The following RMST variants were observed in gnomAD, a reference collection of about 807,000 sequenced individuals.
RMST encodes the protein long intergenic non-protein coding RNA 54.
intron 11 of RMST, among the ~76,000 whole-genome samples, chr12:97,547,350 A>G (rs902506459): frequency 1.4e-4 from 21 of 152,104 alleles, no homozygotes; most frequent in Non-Finnish European, 2.8e-4. Context: ...GAACATGGGA[A>G]TGCAGATATC....
At chr12:97,497,537 G>A (rs988962344) in intron 10 of RMST, among the ~76,000 whole-genome samples, 13 of 152,120 alleles carry the variant, frequency 8.5e-5, no homozygotes, top group African/African-American at 2.7e-4. Flanking sequence ...GCAACTCCAC[G>A]GCACTCTAGT....
At chr12:97,536,746 A>G (rs1001960523) in intron 11 of RMST, among the ~76,000 whole-genome samples, 2 of 151,618 alleles carry the variant, frequency 1.3e-5, no homozygotes, top group African/African-American at 4.8e-5. Context: ...GTGAGTGTGT[A>G]TATTATACAC....
chr12:97,548,093 T>C (rs1883068355), intron 11 of RMST, among the ~76,000 whole-genome samples: 1 of 152,154 alleles, frequency 6.6e-6, no homozygotes, highest in African/African-American at 2.4e-5. Flanking sequence ...AATAAGAGCC[T>C]ACTTTCATTC....
intron 11 of RMST, among the ~76,000 whole-genome samples, chr12:97,556,202 T>A (rs1332824536): frequency 6.6e-6 from 1 of 152,228 alleles, no homozygotes; most frequent in African/African-American, 2.4e-5. Flanking sequence ...GTAATCTTCA[T>A]TCTGTAAAAC....
chr12:97,490,716 T>C (rs960432567), intron 5 of RMST, among the ~76,000 whole-genome samples: 1 of 152,222 alleles, frequency 6.6e-6, no homozygotes, highest in Admixed American at 6.5e-5. Flanking sequence ...TTATCTTGGA[T>C]GAACTTTTCT....
intron 11 of RMST, among the ~76,000 whole-genome samples, chr12:97,549,566 A>G (rs1441222385): frequency 1.3e-5 from 2 of 152,218 alleles, no homozygotes; most frequent in African/African-American, 2.4e-5. Flanking sequence ...CAAGGGGTAG[A>G]CCCAATGTGG....
At chr12:97,541,599 C>T (rs980681644) in intron 11 of RMST, among the ~76,000 whole-genome samples, 16 of 150,954 alleles carry the variant, frequency 1.1e-4, no homozygotes, top group Non-Finnish European at 1.5e-4. Flanking sequence ...ATGGAGTGGG[C>T]GAGTTAGAAA....
chr12:97,506,504 T>C (rs1217996136), intron 10 of RMST, among the ~76,000 whole-genome samples: 1 of 152,168 alleles, frequency 6.6e-6, no homozygotes, highest in African/African-American at 2.4e-5. Flanking sequence ...ATCTGTCTTT[T>C]AGGACATCGT....
chr12:97,536,387 A>G, intron 11 of RMST, among the ~76,000 whole-genome samples: 1 of 151,532 alleles, frequency 6.6e-6, no homozygotes, highest in East Asian at 1.9e-4. Context: ...CTTCTGCAAA[A>G]TTAGACCAGG....
intron 5 of RMST, among the ~76,000 whole-genome samples, chr12:97,472,906 A>C (rs1874100107): frequency 6.6e-6 from 1 of 152,040 alleles, no homozygotes; most frequent in South Asian, 2.1e-4. Flanking sequence ...TTTTTTTCTT[A>C]ATTATCTCAT....
chr12:97,562,396 G>A (rs1884182166), intron 13 of RMST, among the ~76,000 whole-genome samples: 1 of 152,022 alleles, frequency 6.6e-6, no homozygotes, highest in Non-Finnish European at 1.5e-5. Flanking sequence ...TTTTCAAAGG[G>A]AAAATGGTAG....
At chr12:97,507,966 C>T (rs904512801) in intron 10 of RMST, among the ~76,000 whole-genome samples, 2 of 152,016 alleles carry the variant, frequency 1.3e-5, no homozygotes, top group Admixed American at 6.5e-5. Flanking sequence ...CCTATGGAAA[C>T]GAAGGCAAAA....
chr12:97,546,243 C>G (rs996355368), intron 11 of RMST, among the ~76,000 whole-genome samples: 4 of 152,000 alleles, frequency 2.6e-5, no homozygotes, highest in African/African-American at 9.7e-5. Context: ...TTGAAAAATA[C>G]TGCTTTTTTA....
At chr12:97,499,935 A>G (rs1051443525) in intron 10 of RMST, among the ~76,000 whole-genome samples, 1 of 152,132 alleles carries the variant, frequency 6.6e-6, no homozygotes, top group African/African-American at 2.4e-5. Flanking sequence ...TTAGGATTAC[A>G]GGCATGAGTC....
At chr12:97,484,131 T>C (rs1416609397) in intron 5 of RMST, among the ~76,000 whole-genome samples, 1 of 152,206 alleles carries the variant, frequency 6.6e-6, no homozygotes, top group Non-Finnish European at 1.5e-5. Context: ...TTATGAATGA[T>C]TGTTGATGGC....
chr12:97,520,349 C>G (rs1239357555), intron 10 of RMST, among the ~76,000 whole-genome samples: 2 of 152,120 alleles, frequency 1.3e-5, no homozygotes, highest in Non-Finnish European at 2.9e-5. Context: ...TTTAGTCAAC[C>G]TTTCTTATTA....
chr12:97,529,572 T>A lies in RMST; in HGVS notation n.1341-1083T>A, dbSNP rs1424225474. 8.7e-5 allele frequency among the ~76,000 whole-genome samples: 11 copies of A among 126,396 alleles called. No individual in the cohort carries two copies. In the Admixed American group the frequency reaches 8.9e-4, roughly 10 times the overall value. The allele number at this position is 126,396 out of a possible 152,430, so 82.9% of individuals were successfully genotyped here. ...TATTACTTTATGATATAGAATTCTC[T>A]TTCAAATTCTGCTGCGCAAACTTTA... On this transcript the variant is annotated intron_variant and non_coding_transcript_variant, in intron 10 of 13. Transcript: ENST00000640149.
At chr12:97,506,783 A>G (rs1242365507) in intron 10 of RMST, among the ~76,000 whole-genome samples, 1 of 147,336 alleles carries the variant, frequency 6.8e-6, no homozygotes, top group African/African-American at 2.5e-5. Context: ...TCCTGGGTTC[A>G]AGCAATTCTC....
chr12:97,555,868 A>T (rs1302292941), intron 11 of RMST, among the ~76,000 whole-genome samples: 4 of 152,238 alleles, frequency 2.6e-5, no homozygotes, highest in Non-Finnish European at 5.9e-5. Context: ...AATAAGGTTC[A>T]ATCAATTTTA....
Sources: allele counts gnomAD v4.1 joint callset (sites outside exome capture counted in the v4.1 genomes callset), GRCh38; gene constraint gnomAD v4.1.1; transcripts MANE v1.5; gene names NCBI Gene and HGNC (gene_info 2026-07-23, HGNC 2026-07-21).